The following EBF3 variants were observed in gnomAD, a reference collection of about 807,000 sequenced individuals.
The protein encoded by EBF3 is EBF transcription factor 3.
In EBF3, 18 loss-of-function variants were observed where a neutral mutation model predicts 77.1. The observed-to-expected ratio is 0.23, with a 90% confidence interval of 0.16 to 0.35. The LOEUF (loss-of-function observed/expected upper bound fraction) is 0.35. Ranked by LOEUF, EBF3 falls within the 10% of genes least tolerant of loss-of-function variation. The pLI is 1.00. For missense variants in EBF3, 558 were observed against 860.0 expected, an observed-to-expected ratio of 0.65 and a Z score of 4.39; for synonymous variants, 350 against 343.5, an observed-to-expected ratio of 1.02 and a Z score of -0.21.
intron 6 of EBF3, among the ~76,000 whole-genome samples, chr10:129,927,235 C>T (rs1002812284): frequency 6.6e-6 from 1 of 152,188 alleles, no homozygotes; most frequent in Non-Finnish European, 1.5e-5. Flanking sequence ...CCAGGAGGAA[C>T]CAGCACCAGC....
rs570080409 is a variant in EBF3 at position 129,914,565 on chromosome 10, G to A, written c.555-36716C>T. 1.6e-4 allele frequency among the ~76,000 whole-genome samples: 25 copies of A among 152,286 alleles called. No homozygotes were observed. The East Asian group carries it at 3.7e-3, about 22-fold the overall frequency. On this transcript the variant is annotated intron_variant, in intron 6 of 16. Coordinates refer to ENST00000440978, the MANE Select transcript of EBF3 (RefSeq NM_001375380.1). ...CTGCTGGGCATGCAGGGCTTGGAAC[G>A]GGGCTGGTTCCTCCTCTGAGGGTAG...
chr10:129,957,347 GT>G (rs1254976707), intron 5 of EBF3, 21 bp from the exon 6 acceptor site: 1 of 1,581,186 alleles, frequency 6.3e-7, no homozygotes, highest in African/African-American at 1.4e-5. Context: ...ATTGTAAACA[GT>G]GGTTTTAATA....
intron 6 of EBF3, among the ~76,000 whole-genome samples, chr10:129,909,289 G>T (rs1274263394): frequency 2.0e-5 from 3 of 152,118 alleles, no homozygotes; most frequent in African/African-American, 7.2e-5. Flanking sequence ...ATGAACACGG[G>T]GATCCCCAGC....
chr10:129,850,037 G>T (rs964569729), intron 10 of EBF3, among the ~76,000 whole-genome samples: 1 of 152,266 alleles, frequency 6.6e-6, no homozygotes, highest in Non-Finnish European at 1.5e-5. Flanking sequence ...GGGCCGCGGG[G>T]CGCGTGCGCA....
intron 6 of EBF3, among the ~76,000 whole-genome samples, chr10:129,948,352 C>CA (rs979122252): frequency 1.3e-5 from 2 of 148,346 alleles, no homozygotes; most frequent in African/African-American, 5.0e-5. Context: ...TCTGAAAAAG[C>CA]AAAACTAGAG....
chr10:129,963,899 C>T lies in EBF3; in HGVS notation c.-131G>A. The T allele has an allele frequency of 8.7e-7, 1 of 1,146,956 alleles. No homozygotes were observed. The highest frequency in any genetic ancestry group is 1.1e-6 in the Non-Finnish European group (1 of 935,482). The allele number at this position is 1,146,956 out of a possible 1,614,324, so 71.0% of individuals were successfully genotyped here. ...CGGCGCCTGCGGTCCGGCCCCGCCGCCGGCTTCAGCCCGTCCCGGGCAGGC... is the reference window on the plus strand; with the variant it reads ...CGGCGCCTGCGGTCCGGCCCCGCCGTCGGCTTCAGCCCGTCCCGGGCAGGC... On this transcript the variant is annotated 5_prime_UTR_variant, in exon 1 of 17. Transcript: ENST00000440978. This position sits in a 1 kb window ranked among gnomAD's most constrained non-coding sequence, Gnocchi z 7.1.
At position 129,848,631 on chromosome 10, in the gene EBF3, T is replaced by C. The variant is rs1045448469; in HGVS notation, c.1040-151A>G. The C allele has an allele frequency of 9.1e-6, 7 of 769,340 alleles. 1 individual carries two copies. The highest frequency in any genetic ancestry group is 4.6e-5 in the Admixed American group (2 of 43,928). The allele number at this position is 769,340 out of a possible 1,614,324, so 47.7% of individuals were successfully genotyped here. A position where few individuals can be genotyped will look rare whatever the true frequency, so the allele number is the denominator to read the frequency against. On this transcript the variant is annotated intron_variant, in intron 10 of 16. Coordinates refer to ENST00000440978, the MANE Select transcript of EBF3 (RefSeq NM_001375380.1). The surrounding 1 kb of genome is among the most constrained non-coding windows in gnomAD (Gnocchi z 4.4). ...TGAATACTAGCTGTGTCTTAAGGAA[T>C]AGATTTTCCCCCTTTCTTTTGCACA...
intron 5 of EBF3, among the ~76,000 whole-genome samples, chr10:129,958,186 C>G (rs2134617816): frequency 6.6e-6 from 1 of 152,334 alleles, no homozygotes; most frequent in Middle Eastern, 3.4e-3. Context: ...TATGTCTGCT[C>G]AGAAATGGCA....
At chr10:129,906,755 CT>C (rs952444726) in intron 6 of EBF3, among the ~76,000 whole-genome samples, 4 of 150,538 alleles carry the variant, frequency 2.7e-5, no homozygotes, top group Non-Finnish European at 4.4e-5. Flanking sequence ...TCAATAGAAG[CT>C]TTTTTTTTCG....
rs1444698401 is a variant in EBF3 at position 129,863,286 on chromosome 10, C to T, written c.1039+3855G>A. Among the ~76,000 whole-genome samples, 1 of 152,208 alleles carries T rather than the reference C, an allele frequency of 6.6e-6. No homozygotes were observed. The highest frequency in any genetic ancestry group is 1.9e-4 in the East Asian group (1 of 5,194). Reference sequence around the variant, plus strand: ...TCATTTGTGACTCATTCTTTTAATTCACCGTGCTAATCAACTGAACCGCCA... The same window carrying T: ...TCATTTGTGACTCATTCTTTTAATTTACCGTGCTAATCAACTGAACCGCCA... On this transcript the variant is annotated intron_variant, in intron 10 of 16. Coordinates refer to ENST00000440978, the MANE Select transcript of EBF3 (RefSeq NM_001375380.1). The surrounding 1 kb of genome is among the most constrained non-coding windows in gnomAD (Gnocchi z 4.0).
At chr10:129,955,291 C>G (rs1858956310) in intron 6 of EBF3, among the ~76,000 whole-genome samples, 2 of 152,182 alleles carry the variant, frequency 1.3e-5, no homozygotes, top group African/African-American at 4.8e-5. Flanking sequence ...ATTGTCATAT[C>G]TTTGAATTTA....
intron 6 of EBF3, among the ~76,000 whole-genome samples, chr10:129,886,401 C>G (rs1414328660): frequency 6.6e-6 from 1 of 152,202 alleles, no homozygotes; most frequent in African/African-American, 2.4e-5. Context: ...CTTCATTACT[C>G]CTGCGTGTCA....
chr10:129,858,965 C>T (rs1851436803), intron 10 of EBF3, among the ~76,000 whole-genome samples: 1 of 152,214 alleles, frequency 6.6e-6, no homozygotes, highest in Admixed American at 6.5e-5. Flanking sequence ...GCCACGGCCT[C>T]CTATCTCAAC....
chr10:129,935,172 A>T lies in EBF3; in HGVS notation c.554+22086T>A, dbSNP rs954230120. Reference sequence around the variant, plus strand: ...CATTTTCCTGTCTCCACTCCAGCCAAATGTAGCCACATTGTGAGCTGCTTC... The same window carrying T: ...CATTTTCCTGTCTCCACTCCAGCCATATGTAGCCACATTGTGAGCTGCTTC... On this transcript the variant is annotated intron_variant, in intron 6 of 16. Transcript: ENST00000440978. This position sits in a 1 kb window ranked among gnomAD's most constrained non-coding sequence, Gnocchi z 4.2. Among the ~76,000 whole-genome samples the T allele has an allele frequency of 1.3e-5, 2 of 152,122 alleles. No individual in the cohort carries two copies. The highest frequency in any genetic ancestry group is 4.8e-5 in the African/African-American group (2 of 41,426).
intron 6 of EBF3, among the ~76,000 whole-genome samples, chr10:129,914,764 T>C (rs1463591920): frequency 6.6e-6 from 1 of 152,062 alleles, no homozygotes; most frequent in East Asian, 1.9e-4. Flanking sequence ...TGCAGAGGCT[T>C]CAGCTGCCCC....
intron 6 of EBF3, among the ~76,000 whole-genome samples, chr10:129,950,456 A>AT (rs1858590947): frequency 6.6e-6 from 1 of 152,212 alleles, no homozygotes; most frequent in African/African-American, 2.4e-5. Context: ...GAGTTTCCCT[A>AT]TACCCCTCCC....
chr10:129,849,493 A>G (rs80223925), intron 10 of EBF3, among the ~76,000 whole-genome samples: 1 of 152,180 alleles, frequency 6.6e-6, no homozygotes, highest in African/African-American at 2.4e-5. Context: ...GCAGGTGTGC[A>G]AGGTGCGGGG....
chr10:129,918,910 C>T (rs1856078041), intron 6 of EBF3, among the ~76,000 whole-genome samples: 1 of 152,222 alleles, frequency 6.6e-6, no homozygotes, highest in Non-Finnish European at 1.5e-5. Flanking sequence ...AGAGTCCTTG[C>T]CCCCTGCAGC....
intron 6 of EBF3, among the ~76,000 whole-genome samples, chr10:129,923,027 G>C (rs999840958): frequency 6.6e-6 from 1 of 152,212 alleles, no homozygotes; most frequent in Non-Finnish European, 1.5e-5. Context: ...TCTCTCTATA[G>C]AATGGGCTGG....
Sources: gnomAD v4.1 joint callset for allele counts (sites outside exome capture counted in the v4.1 genomes callset) on GRCh38, gnomAD v4.1.1 for gene constraint, Gnocchi (gnomAD v3.1) non-coding constraint, MANE v1.5 for transcripts, NCBI Gene and HGNC (gene_info 2026-07-23, HGNC 2026-07-21) for gene names.